EML5: variants seen among roughly 807,000 people sequenced by gnomAD.
EML5 encodes the protein echinoderm microtubule-associated protein-like 5.
A neutral mutation model predicts 250.0 loss-of-function variants in EML5; 120 were observed. The observed-to-expected ratio is 0.48, with a 90% CI of 0.41 to 0.56. The LOEUF (loss-of-function observed/expected upper bound fraction) is 0.56. Ranked by LOEUF, EML5 falls within the 20% of genes least tolerant of loss-of-function variation. The pLI is 0.00. For missense variants in EML5, 2,006 were observed against 2,437.6 expected (o/e 0.82, Z 3.73); for synonymous variants, 771 against 806.5 (o/e 0.96, Z 0.75).
In EML5 at chr14:88,657,388, G is replaced by A; in HGVS notation, c.3992C>T (p.Ser1331Leu). 2 of 1,574,792 alleles carry A rather than the reference G, an allele frequency of 1.3e-6. No homozygotes were observed. Among genetic ancestry groups the A allele is most frequent in the Non-Finnish European group, 1.7e-6 (2 of 1,157,908 alleles). ...ACTAAATTATTACCTTTCATCAATT[G>A]AGGGTTCTTTTTGTTGTAAATGAGG... is the stretch of plus-strand genomic sequence containing the variant. Reference protein sequence around the residue: ...IKPHLQQKEPSIDERQGVVRG... With the variant: ...IKPHLQQKEPLIDERQGVVRG... The change falls in exon 27 of 44, where the codon TCA becomes TTA. Residue 1331 changes from serine (S) to leucine (L), a missense_variant. Around this residue, in one of 7 missense-constraint regions of EML5, gnomAD observed 1,375 missense variants for 1,590.3 expected, o/e 0.86. Coordinates refer to ENST00000554922, the MANE Select transcript of EML5 (RefSeq NM_183387.3).
chr14:88,664,515 G>T lies in EML5; in HGVS notation c.3387C>A (p.Thr1129=). Residue 1129 remains threonine (T), a synonymous_variant, in exon 23 of 44, where the codon ACC becomes ACA. Coordinates refer to ENST00000554922, the MANE Select transcript of EML5 (RefSeq NM_183387.3). The part of the protein sequence containing the change: ...GICKGATSYI[T]HIDWDIRGKL... ...TACCTCTAATATCCCAATCAATATG[G>T]GTTATGTAACTGGTAGCTCCTTTGC... The T allele has an allele frequency of 1.2e-6, 2 of 1,606,790 alleles. No homozygotes were observed. Among genetic ancestry groups the T allele is most frequent in the Non-Finnish European group, 1.7e-6 (2 of 1,177,604 alleles).
intron 7 of EML5, among the ~76,000 whole-genome samples, chr14:88,728,888 A>G (rs2093709091): frequency 6.6e-6 from 1 of 152,204 alleles, no homozygotes; most frequent in South Asian, 2.1e-4. Flanking sequence ...AATTTAATAA[A>G]TAGGCATCTA....
intron 10 of EML5, among the ~76,000 whole-genome samples, chr14:88,710,875 T>C (rs1361135864): frequency 1.3e-5 from 2 of 152,230 alleles, no homozygotes; most frequent in Non-Finnish European, 2.9e-5. Context: ...AAAGAACTAC[T>C]ACACATTTTA....
chr14:88,766,534 G>A (rs914740669), intron 1 of EML5, among the ~76,000 whole-genome samples: 2 of 152,122 alleles, frequency 1.3e-5, no homozygotes, highest in African/African-American at 4.8e-5. Context: ...GGTCAGACCG[G>A]TCGTCTGCTC....
At chr14:88,649,848 A>G in intron 28 of EML5, 64 bp downstream of exon 28, 1 of 1,293,740 alleles carries the variant, frequency 7.7e-7, no homozygotes, top group Non-Finnish European at 1.1e-6. Context: ...ACCTTAAAAT[A>G]CCATAAAGAA....
chr14:88,641,676 A>T (rs1479362273), intron 31 of EML5, among the ~76,000 whole-genome samples: 2 of 152,174 alleles, frequency 1.3e-5, no homozygotes, highest in African/African-American at 2.4e-5. Context: ...ACACACCTCA[A>T]AATAATGAAG....
intron 40 of EML5, 23 bp from the exon 41 acceptor site, chr14:88,618,354 G>A (rs2088108431): frequency 6.3e-7 from 1 of 1,598,006 alleles, no homozygotes; most frequent in Non-Finnish European, 8.6e-7. Flanking sequence ...ATTAAAATGG[G>A]ACAAGAATTC....
intron 20 of EML5, among the ~76,000 whole-genome samples, chr14:88,682,987 G>A (rs553740155): frequency 1.4e-4 from 21 of 150,198 alleles, no homozygotes; most frequent in Admixed American, 1.3e-3. Context: ...AATCCAGATA[G>A]CTCCTAATCT....
intron 11 of EML5, chr14:88,705,923 T>C (rs942656056): frequency 5.5e-6 from 3 of 545,900 alleles, no homozygotes; most frequent in Non-Finnish European, 1.0e-5. Context: ...AACAGATGAA[T>C]TGACATTAGA....
At chr14:88,728,879 AT>A (rs1454121870) in intron 7 of EML5, among the ~76,000 whole-genome samples, 2 of 152,210 alleles carry the variant, frequency 1.3e-5, no homozygotes, top group Non-Finnish European at 1.5e-5. Context: ...AAAGGCTACA[AT>A]TTAATAAATA....
chr14:88,679,220 G>GACAC (rs1224672742), intron 21 of EML5, among the ~76,000 whole-genome samples: 11 of 149,918 alleles, frequency 7.3e-5, no homozygotes, highest in Admixed American at 4.0e-4. Context: ...TCTAAATGAG[G>GACAC]ACACATTCAC....
rs1595170725 is a variant in EML5 at position 88,615,475 on chromosome 14, T to A, written c.*343A>T. ...AAAAGATAATGAAAATTATCCAAAT[T>A]GGGTTTTTGAGTTCTTCTGTAAAGA... is the stretch of plus-strand genomic sequence containing the variant. On this transcript the variant is annotated 3_prime_UTR_variant, in exon 44 of 44. Transcript: ENST00000554922. The A allele has an allele frequency of 1.3e-5, 3 of 232,154 alleles. No homozygotes were observed. In the East Asian group the frequency reaches 2.5e-4, roughly 20 times the overall value. 14.4% of individuals were successfully genotyped at this position (232,154 alleles called of 1,614,324 possible). A position where few individuals can be genotyped will look rare whatever the true frequency, so the allele number is the denominator to read the frequency against.
At chr14:88,728,143 T>C (rs746076608) in intron 7 of EML5, among the ~76,000 whole-genome samples, 25 of 151,884 alleles carry the variant, frequency 1.6e-4, no homozygotes, top group Non-Finnish European at 3.1e-4. Flanking sequence ...CAACCAACCA[T>C]GGAAGGAAAA....
intron 7 of EML5, among the ~76,000 whole-genome samples, chr14:88,727,341 T>C (rs1042910835): frequency 3.9e-5 from 6 of 151,950 alleles, no homozygotes; most frequent in African/African-American, 1.5e-4. Flanking sequence ...TGCAAAGGGA[T>C]GTGAGTATAC....
chr14:88,766,062 A>G (rs2094315432), intron 1 of EML5, among the ~76,000 whole-genome samples: 1 of 152,216 alleles, frequency 6.6e-6, no homozygotes, highest in African/African-American at 2.4e-5. Flanking sequence ...TTCCCCAATC[A>G]ATACTCTTGC....
intron 17 of EML5, 149 bp downstream of exon 17, chr14:88,694,158 G>T: frequency 1.6e-6 from 1 of 613,636 alleles, no homozygotes; most frequent in South Asian, 2.0e-5. Flanking sequence ...ATGAACTCAA[G>T]ACTTCATTCA....
intron 27 of EML5, among the ~76,000 whole-genome samples, chr14:88,656,915 T>C (rs964602685): frequency 3.3e-5 from 5 of 152,220 alleles, no homozygotes; most frequent in Non-Finnish European, 7.3e-5. Context: ...AGATGAATCA[T>C]ATCAACCTTA....
chr14:88,679,606 C>G (rs747337620), intron 21 of EML5, among the ~76,000 whole-genome samples: 1 of 152,086 alleles, frequency 6.6e-6, no homozygotes, highest in African/African-American at 2.4e-5. Context: ...GCAGAAGAAT[C>G]GCTTGAACCT....
At chr14:88,722,841 C>T (rs530070511) in intron 8 of EML5, among the ~76,000 whole-genome samples, 24 of 152,152 alleles carry the variant, frequency 1.6e-4, no homozygotes, top group Non-Finnish European at 2.9e-4. Flanking sequence ...AGCAAACCAC[C>T]GTGGCACATG....
Sources: gnomAD v4.1 joint callset for allele counts (sites outside exome capture counted in the v4.1 genomes callset) on GRCh38, gnomAD v4.1.1 for gene constraint, gnomAD v4.1.1 regional missense constraint, MANE v1.5 for transcripts, NCBI Gene and HGNC (gene_info 2026-07-23, HGNC 2026-07-21) for gene names.